Variants in ROBO2 observed in about 807,000 individuals in gnomAD.
ROBO2 encodes roundabout homolog 2.
In ROBO2, 53 loss-of-function variants were observed where a neutral mutation model predicts 160.8. The observed-to-expected ratio is 0.33, with a 90% confidence interval of 0.26 to 0.41. The LOEUF (loss-of-function observed/expected upper bound fraction) is 0.41. ROBO2 is among the 10% of genes least tolerant of loss of function. ROBO2 has a pLI of 1.00. For synonymous variants in ROBO2, 664 were observed against 611.7 expected (o/e 1.09, Z -1.26); for missense variants, 1,577 against 1,722.4 (o/e 0.92, Z 1.49).
chr3:75,919,139 G>T (rs1362066929), intron 1 of ROBO2, among the ~76,000 whole-genome samples: 1 of 152,114 alleles, frequency 6.6e-6, no homozygotes, highest in Admixed American at 6.6e-5. Flanking sequence ...AATGCTTCCA[G>T]CTTTTGGCCA....
chr3:76,753,506 A>T lies in ROBO2; in HGVS notation c.110-344508A>T, dbSNP rs147390815. On this transcript the variant is annotated intron_variant, in intron 2 of 26. Coordinates refer to the ROBO2 transcript ENST00000487694. The stretch of plus-strand genomic sequence containing the variant: ...CTTAGTTTTTCCTTGTTAACAGATG[A>T]ATTTTGTCAAAGGCTGATTTTGGCA... 6.5e-3 allele frequency among the ~76,000 whole-genome samples: 990 copies of T among 151,954 alleles called. 6 individuals are homozygous for T. The highest frequency in any genetic ancestry group is 0.024 in the Middle Eastern group (7 of 294).
intron 2 of ROBO2, among the ~76,000 whole-genome samples, chr3:76,658,240 G>A (rs1464981727): frequency 6.6e-6 from 1 of 151,286 alleles, no homozygotes; most frequent in Non-Finnish European, 1.5e-5. Context: ...TTTGGTGTGT[G>A]TTCTTCCAGA....
intron 2 of ROBO2, among the ~76,000 whole-genome samples, chr3:76,411,469 A>G (rs556201234): frequency 3.3e-5 from 5 of 152,304 alleles, no homozygotes; most frequent in African/African-American, 9.6e-5. Context: ...ATCTTGTGGT[A>G]TTATCTTGCC....
chr3:77,035,365 C>T (rs760543035), upstream of ROBO2, among the ~76,000 whole-genome samples: 1 of 151,790 alleles, frequency 6.6e-6, no homozygotes, highest in Non-Finnish European at 1.5e-5. Context: ...ATACCACTTA[C>T]TGTAATATTT....
chr3:76,855,375 G>A (rs1037356752), intron 2 of ROBO2, among the ~76,000 whole-genome samples: 3 of 152,154 alleles, frequency 2.0e-5, no homozygotes, highest in Non-Finnish European at 4.4e-5. Context: ...TTACCACAAC[G>A]AGGTGATAGA....
At chr3:77,315,479 T>C (rs373013346) in intron 2 of ROBO2, among the ~76,000 whole-genome samples, 2 of 152,232 alleles carry the variant, frequency 1.3e-5, no homozygotes, top group South Asian at 2.1e-4. Flanking sequence ...CTCCTTAACT[T>C]TGAGACACTT....
At chr3:77,380,691 CCCTCCTTCCCTCCCTT>C (rs2073332694) in intron 2 of ROBO2, among the ~76,000 whole-genome samples, 1 of 147,894 alleles carries the variant, frequency 6.8e-6, no homozygotes, top group African/African-American at 2.5e-5. Flanking sequence ...TTCCCTCCCT[CCCTCCTTCCCTCCCTT>C]CCTTCCTTCC....
intron 2 of ROBO2, among the ~76,000 whole-genome samples, chr3:76,265,025 A>G (rs1707011888): frequency 6.6e-6 from 1 of 152,186 alleles, no homozygotes; most frequent in African/African-American, 2.4e-5. Context: ...TTTGCTATCT[A>G]AAGAAAATAA....
chr3:76,288,640 C>CA (rs1281166788), intron 2 of ROBO2, among the ~76,000 whole-genome samples: 1 of 152,152 alleles, frequency 6.6e-6, no homozygotes, highest in Non-Finnish European at 1.5e-5. Context: ...GCTCTCATCC[C>CA]ATTCTCCACC....
intron 2 of ROBO2, among the ~76,000 whole-genome samples, chr3:76,170,997 C>G (rs1389718023): frequency 1.3e-5 from 2 of 152,100 alleles, no homozygotes; most frequent in Non-Finnish European, 2.9e-5. Context: ...ACATTAAAAC[C>G]CACAGAGGCA....
intron 2 of ROBO2, among the ~76,000 whole-genome samples, chr3:76,840,983 G>C (rs2068202340): frequency 6.6e-6 from 1 of 152,140 alleles, no homozygotes; most frequent in South Asian, 2.1e-4. Context: ...CTATCTGAGT[G>C]GTTAGAAGAA....
At chr3:76,670,236 T>C (rs574483853) in intron 2 of ROBO2, among the ~76,000 whole-genome samples, 1 of 152,072 alleles carries the variant, frequency 6.6e-6, no homozygotes. Context: ...AAGAGTTCTG[T>C]GTATTTTAGC....
At chr3:75,932,025 G>T (rs748151741) in intron 1 of ROBO2, among the ~76,000 whole-genome samples, 1 of 152,056 alleles carries the variant, frequency 6.6e-6, no homozygotes, top group Non-Finnish European at 1.5e-5. Context: ...GTTTCTCAAC[G>T]TATATTAATG....
In ROBO2 at chr3:76,713,732, G is replaced by A. The variant is rs547869696; in HGVS notation, c.110-384282G>A. ...CAGTCACTTGGTAGGATTTAATTAG[G>A]CATCTTTATTCAACATTAACAACAT... is the stretch of plus-strand genomic sequence containing the variant. On this transcript the variant is annotated intron_variant, in intron 2 of 26. Transcript: ENST00000487694. Among the ~76,000 whole-genome samples, 91 of 152,098 alleles carry A rather than the reference G, an allele frequency of 6.0e-4. 3 individuals carry two copies. The South Asian group carries it at 0.018, about 31-fold the overall frequency.
chr3:77,644,831 G>A (rs778703375), exon 25 of ROBO2: 2 of 1,614,098 alleles, frequency 1.2e-6, no homozygotes, highest in East Asian at 2.2e-5. Context: ...CAGGCCACCA[G>A]CGCAATGCCA....
chr3:76,039,700 A>G (rs575927246), intron 2 of ROBO2, among the ~76,000 whole-genome samples: 3 of 152,158 alleles, frequency 2.0e-5, no homozygotes, highest in African/African-American at 7.2e-5. Context: ...TGAATCTATA[A>G]TAATAAGCAT....
At chr3:77,059,508 A>G (rs534062183) in intron 1 of ROBO2, among the ~76,000 whole-genome samples, 12 of 152,308 alleles carry the variant, frequency 7.9e-5, no homozygotes, top group African/African-American at 2.6e-4. Flanking sequence ...CAAGACAAAG[A>G]AAACAATTTT....
intron 19 of ROBO2, among the ~76,000 whole-genome samples, chr3:77,597,814 G>A (rs2094342070): frequency 1.3e-5 from 2 of 152,082 alleles, no homozygotes; most frequent in Non-Finnish European, 2.9e-5. Context: ...CTAATGACTT[G>A]AGTATAAAAT....
At chr3:76,934,888 A>G (rs1160470545) in intron 2 of ROBO2, among the ~76,000 whole-genome samples, 1 of 152,136 alleles carries the variant, frequency 6.6e-6, no homozygotes, top group Non-Finnish European at 1.5e-5. Context: ...TAAAAATTTA[A>G]GCCCTTTTGG....
Sources: gnomAD v4.1 joint callset for allele counts (sites outside exome capture counted in the v4.1 genomes callset) on GRCh38, gnomAD v4.1.1 for gene constraint, MANE v1.5 for transcripts, NCBI Gene and HGNC (gene_info 2026-07-23, HGNC 2026-07-21) for gene names.